Variants in KCNT2 observed in about 807,000 individuals in gnomAD.
The protein encoded by KCNT2 is potassium sodium-activated channel subfamily T member 2.
A neutral mutation model predicts 153.8 loss-of-function variants in KCNT2; 67 were observed. That is an observed-to-expected ratio of 0.44 (90% CI 0.36 to 0.53). The LOEUF (loss-of-function observed/expected upper bound fraction) is 0.53, where lower values mean the gene tolerates loss of function less well. KCNT2 is among the 20% of genes least tolerant of loss of function. The pLI is 0.00. For synonymous variants in KCNT2, 500 were observed against 458.8 expected, an observed-to-expected ratio of 1.09 and a Z score of -1.15; for missense variants, 975 against 1,354.8, an observed-to-expected ratio of 0.72 and a Z score of 4.40.
intron 14 of KCNT2, among the ~76,000 whole-genome samples, chr1:196,370,558 G>A (rs565036911): frequency 7.9e-5 from 12 of 151,774 alleles, no homozygotes; most frequent in South Asian, 2.1e-4. Context: ...AAAAAAGCGC[G>A]GATAATTACG....
At chr1:196,578,693 CA>C (rs1448637268) in intron 1 of KCNT2, among the ~76,000 whole-genome samples, 1 of 151,926 alleles carries the variant, frequency 6.6e-6, no homozygotes, top group Non-Finnish European at 1.5e-5. Flanking sequence ...AGGGACTGAC[CA>C]AAGAGACTAA....
chr1:196,521,410 A>G (rs1279223808), intron 1 of KCNT2, among the ~76,000 whole-genome samples: 1 of 152,132 alleles, frequency 6.6e-6, no homozygotes, highest in African/African-American at 2.4e-5. Flanking sequence ...AGAGCTAAAA[A>G]CAGTACCACC....
intron 1 of KCNT2, among the ~76,000 whole-genome samples, chr1:196,602,037 A>C (rs898285801): frequency 6.6e-6 from 1 of 152,194 alleles, no homozygotes; most frequent in Non-Finnish European, 1.5e-5. Context: ...CCCATTAAAA[A>C]AAATCCCATA....
intron 14 of KCNT2, among the ~76,000 whole-genome samples, chr1:196,347,165 C>A (rs1454985946): frequency 6.6e-6 from 1 of 152,044 alleles, no homozygotes; most frequent in Non-Finnish European, 1.5e-5. Context: ...ATTCTTGAGG[C>A]TACTAGGATA....
chr1:196,477,990 T>C (rs1481669060), intron 5 of KCNT2, among the ~76,000 whole-genome samples: 1 of 152,228 alleles, frequency 6.6e-6, no homozygotes, highest in Admixed American at 6.5e-5. Context: ...CACCAGTACC[T>C]GAAATTCATC....
At chr1:196,237,274 C>G (rs1654529718) in intron 26 of KCNT2, among the ~76,000 whole-genome samples, 1 of 151,670 alleles carries the variant, frequency 6.6e-6, no homozygotes, top group Non-Finnish European at 1.5e-5. Context: ...ATGAAAGACA[C>G]TATTTTCGGC....
rs1203876537 is a variant in KCNT2 at position 196,428,174 on chromosome 1, A to T, written c.915T>A (p.Cys305Ter). The stretch of plus-strand genomic sequence containing the variant: ...GTAAATCAATCTTCAGTGAGCTGAC[A>T]CACAGGACGACATGCTTTTCAGTTT... The part of the protein sequence containing the change: ...RAQTEKHVVL[C>*]VSSLKIDLLM... The change falls in exon 10 of 28, where the codon TGT becomes TGA. Residue 305 changes from cysteine (C) to a stop codon, truncating the protein, a stop_gained. Coordinates refer to ENST00000294725, the MANE Select transcript of KCNT2 (RefSeq NM_198503.5). LOFTEE classifies it high-confidence loss of function. 1 of 1,612,060 alleles carries T rather than the reference A, an allele frequency of 6.2e-7. No homozygotes were observed. Among genetic ancestry groups the T allele is most frequent in the African/African-American group, 1.3e-5 (1 of 74,858 alleles).
At chr1:196,290,357 G>C (rs950830481) in intron 22 of KCNT2, among the ~76,000 whole-genome samples, 1 of 151,852 alleles carries the variant, frequency 6.6e-6, no homozygotes, top group African/African-American at 2.4e-5. Context: ...CATTTTCTCT[G>C]ATTTGTCTTC....
At chr1:196,269,941 T>C (rs1173661645) in intron 25 of KCNT2, among the ~76,000 whole-genome samples, 1 of 152,096 alleles carries the variant, frequency 6.6e-6, no homozygotes, top group Non-Finnish European at 1.5e-5. Context: ...TTTAAATACT[T>C]AATAAAATAG....
At chr1:196,516,300 A>T (rs1345267626) in intron 1 of KCNT2, among the ~76,000 whole-genome samples, 1 of 150,570 alleles carries the variant, frequency 6.6e-6, no homozygotes, top group Non-Finnish European at 1.5e-5. Context: ...GGCTCTGGGG[A>T]ATCAGGGGCA....
chr1:196,563,045 C>T (rs1284714646), intron 1 of KCNT2, among the ~76,000 whole-genome samples: 1 of 151,924 alleles, frequency 6.6e-6, no homozygotes, highest in Non-Finnish European at 1.5e-5. Flanking sequence ...TTGAGCACTA[C>T]ATGTAAGAAT....
At chr1:196,231,444 A>C (rs187876730) in intron 27 of KCNT2, among the ~76,000 whole-genome samples, 1 of 151,888 alleles carries the variant, frequency 6.6e-6, no homozygotes, top group Admixed American at 6.6e-5. Context: ...ATTAAAACAA[A>C]ATCACAAAAC....
intron 13 of KCNT2, among the ~76,000 whole-genome samples, chr1:196,385,473 T>C (rs899300223): frequency 3.3e-5 from 5 of 152,080 alleles, no homozygotes; most frequent in African/African-American, 1.2e-4. Context: ...ACGCAGCACA[T>C]GACTGCATAT....
intron 1 of KCNT2, among the ~76,000 whole-genome samples, chr1:196,526,015 C>CTG (rs369541629): frequency 0.085 from 11,843 of 139,916 alleles, 520 homozygotes; most frequent in East Asian, 0.16. Flanking sequence ...AGAACTGACT[C>CTG]TGTGTGTGTG....
intron 1 of KCNT2, among the ~76,000 whole-genome samples, chr1:196,555,347 A>C (rs920550952): frequency 3.3e-5 from 5 of 151,500 alleles, no homozygotes; most frequent in African/African-American, 1.2e-4. Flanking sequence ...TAGCATTTCT[A>C]TATGCCAACA....
In KCNT2 at chr1:196,608,437, G is replaced by T; in HGVS notation, c.-128C>A. 3 of 691,564 alleles carry T rather than the reference G, an allele frequency of 4.3e-6. No individual in the cohort carries two copies. Among genetic ancestry groups the T allele is most frequent in the East Asian group, 2.8e-5 (1 of 35,230 alleles). 42.8% of individuals were successfully genotyped at this position (691,564 alleles called of 1,614,324 possible). ...GGCCGAGAGAGGGATGGGAGAAGGG[G>T]AAGGGGACAGGGAGGGGGAGGGGGT... On this transcript the variant is annotated 5_prime_UTR_variant, in exon 1 of 28. Transcript: ENST00000294725.
intron 21 of KCNT2, among the ~76,000 whole-genome samples, chr1:196,310,706 T>C (rs1364080543): frequency 7.9e-5 from 12 of 151,924 alleles, no homozygotes; most frequent in Admixed American, 7.9e-4. Context: ...TGCCCTTCTA[T>C]GCTCTTATAG....
At chr1:196,508,359 G>C (rs889556651) in intron 1 of KCNT2, among the ~76,000 whole-genome samples, 1 of 151,822 alleles carries the variant, frequency 6.6e-6, no homozygotes, top group Non-Finnish European at 1.5e-5. Context: ...GTATACTTTA[G>C]AAACAAAACA....
intron 26 of KCNT2, among the ~76,000 whole-genome samples, chr1:196,240,568 C>G (rs1458981196): frequency 1.3e-5 from 2 of 151,906 alleles, no homozygotes; most frequent in Non-Finnish European, 2.9e-5. Flanking sequence ...TGTGGGCATG[C>G]ATAAATAGAG....
Sources: gnomAD v4.1 joint callset for allele counts (sites outside exome capture counted in the v4.1 genomes callset) on GRCh38, gnomAD v4.1.1 for gene constraint, MANE v1.5 for transcripts, NCBI Gene and HGNC (gene_info 2026-07-23, HGNC 2026-07-21) for gene names.